The following AZIN2 variants were observed in gnomAD, a reference collection of about 807,000 sequenced individuals.
The protein encoded by AZIN2 is antizyme inhibitor 2.
AZIN2 carries 28 observed loss-of-function variants against 47.8 expected under a neutral mutation model. The observed-to-expected ratio is 0.59, with a 90% confidence interval of 0.43 to 0.80. The LOEUF (loss-of-function observed/expected upper bound fraction) is 0.80. Among genes scored for constraint, AZIN2 ranks in the 30% least tolerant of loss-of-function variants. AZIN2 has a pLI of 0.00. For synonymous variants in AZIN2, 221 were observed against 239.4 expected, an observed-to-expected ratio of 0.92 and a Z score of 0.71; for missense variants, 535 against 582.5, an observed-to-expected ratio of 0.92 and a Z score of 0.84.
In AZIN2 at chr1:33,118,121, G is replaced by A; in HGVS notation, c.1244+5G>A. On this transcript the variant is annotated splice_donor_5th_base_variant and intron_variant, in intron 11 of 11. Transcript: ENST00000294517. ...TGCCATGTCCCGGGTGGCCTGGTAA[G>A]AGGGCCCTGCTGGAAAATGGGGGTA... The A allele has an allele frequency of 6.6e-7, 1 of 1,507,310 alleles. No individual in the cohort carries two copies. The highest frequency in any genetic ancestry group is 8.8e-7 in the Non-Finnish European group (1 of 1,130,806). 93.4% of individuals were successfully genotyped at this position (1,507,310 alleles called of 1,614,324 possible).
At chr1:33,154,303 G>C in the AZIN2 span, among the ~76,000 whole-genome samples, 11 of 152,054 alleles carry the variant, frequency 7.2e-5, no homozygotes, top group African/African-American at 2.7e-4. Flanking sequence ...GACAGCCCTG[G>C]AGCAGGGAGC....
At chr1:33,147,841 C>T in the AZIN2 span, 1 of 1,172,306 alleles carries the variant, frequency 8.5e-7, no homozygotes, top group Non-Finnish European at 1.2e-6. This position sits in a 1 kb window ranked among gnomAD's most constrained non-coding sequence, Gnocchi z 8.1. Context: ...CTCTGACCTG[C>T]TGTGTGACCT....
the AZIN2 span, among the ~76,000 whole-genome samples, chr1:33,153,211 GGGCTTT>G: frequency 4.6e-5 from 7 of 152,192 alleles, no homozygotes; most frequent in African/African-American, 7.2e-5. Context: ...TGGACATAAA[GGGCTTT>G]GGTGCTGGCA....
the AZIN2 span, among the ~76,000 whole-genome samples, chr1:33,166,582 A>G: frequency 6.6e-6 from 1 of 152,190 alleles, no homozygotes; most frequent in African/African-American, 2.4e-5. Context: ...CTGATGGAGA[A>G]AAAGATACAG....
rs1297083672 is a variant in AZIN2, at chr1:33,096,787, C to T, written c.834C>T (p.Arg278=). The T allele has an allele frequency of 1.9e-6, 3 of 1,614,220 alleles. No homozygotes were observed. Among genetic ancestry groups the T allele is most frequent in the Non-Finnish European group, 2.5e-6 (3 of 1,180,036 alleles). ...CGVDIFAELG[R]YYVTSAFTVA... ...TGGACATCTTTGCTGAGCTGGGGCG[C>T]TACTACGTGACCTCGGCCTTCACTG... The change falls in exon 9 of 12, where the codon CGC becomes CGT. Residue 278 remains arginine, a synonymous_variant. Transcript: ENST00000294517.
At chr1:33,154,696 G>T in the AZIN2 span, among the ~76,000 whole-genome samples, 1 of 151,720 alleles carries the variant, frequency 6.6e-6, no homozygotes, top group Non-Finnish European at 1.5e-5. Flanking sequence ...TACTTGGGAG[G>T]CCGAGGCAGG....
At chr1:33,147,773 G>A in the AZIN2 span, 2 of 1,576,240 alleles carry the variant, frequency 1.3e-6, no homozygotes, top group Non-Finnish European at 8.6e-7. This position sits in a 1 kb window ranked among gnomAD's most constrained non-coding sequence, Gnocchi z 8.1. Context: ...GGAGAAGGCT[G>A]TGGACCCACC....
the AZIN2 span, among the ~76,000 whole-genome samples, chr1:33,158,871 G>A: frequency 9.3e-5 from 14 of 150,100 alleles, no homozygotes; most frequent in Non-Finnish European, 1.5e-4. Context: ...ACAGAGTTTC[G>A]CTCTTATTGC....
the AZIN2 span, chr1:33,158,396 C>T: frequency 1.9e-6 from 3 of 1,598,202 alleles, no homozygotes; most frequent in African/African-American, 4.0e-5. Flanking sequence ...AAGGGGGCTG[C>T]ACCAGGGACT....
chr1:33,145,956 G>A, the AZIN2 span: 3 of 470,318 alleles, frequency 6.4e-6, no homozygotes, highest in African/African-American at 4.0e-5. Flanking sequence ...TTAGATTTGG[G>A]AACTGAGTGA....
chr1:33,094,726 C>G lies in AZIN2; in HGVS notation c.753+13C>G, dbSNP rs374924884. 9 of 1,613,436 alleles carry G rather than the reference C, an allele frequency of 5.6e-6. No homozygotes were observed. In the African/African-American group the frequency reaches 1.2e-4, roughly 22 times the overall value. ...GAGATTTGAAGAGGTAACCCTGGAGCTGGGAGTGTCATGCTGGGCTCTATG... is the reference window on the plus strand; with the variant it reads ...GAGATTTGAAGAGGTAACCCTGGAGGTGGGAGTGTCATGCTGGGCTCTATG... On this transcript the variant is annotated intron_variant, in intron 8 of 11. Transcript: ENST00000294517.
At chr1:33,147,629 G>T in the AZIN2 span, 2 of 1,614,024 alleles carry the variant, frequency 1.2e-6, no homozygotes, top group South Asian at 2.2e-5. This position sits in a 1 kb window ranked among gnomAD's most constrained non-coding sequence, Gnocchi z 8.1. Context: ...TCCTGCAGTG[G>T]CTGTGGGTGC....
intron 10 of AZIN2, among the ~76,000 whole-genome samples, chr1:33,115,006 T>C (rs976135197): frequency 1.3e-5 from 2 of 152,190 alleles, no homozygotes; most frequent in Non-Finnish European, 2.9e-5. Flanking sequence ...GTGCACCTTT[T>C]TCAATGTTTG....
At chr1:33,162,571 G>A in the AZIN2 span, among the ~76,000 whole-genome samples, 1 of 152,236 alleles carries the variant, frequency 6.6e-6, no homozygotes, top group Admixed American at 6.5e-5. Flanking sequence ...ATCAGGAGTT[G>A]CTTGAGGGGT....
At chr1:33,151,882 G>A in the AZIN2 span, among the ~76,000 whole-genome samples, 2 of 152,254 alleles carry the variant, frequency 1.3e-5, no homozygotes, top group Non-Finnish European at 2.9e-5. Flanking sequence ...CAGCACAGCT[G>A]CTTGGCAGTG....
At chr1:33,144,918 T>G in the AZIN2 span, among the ~76,000 whole-genome samples, 1 of 152,386 alleles carries the variant, frequency 6.6e-6, no homozygotes, top group South Asian at 2.1e-4. Context: ...TAGGGCCTCC[T>G]TAAGTGCACT....
the AZIN2 span, chr1:33,165,504 C>T: frequency 6.2e-7 from 1 of 1,609,430 alleles, no homozygotes; most frequent in Non-Finnish European, 8.5e-7. This position sits in a 1 kb window ranked among gnomAD's most constrained non-coding sequence, Gnocchi z 4.0. Context: ...TGAGCAGCTG[C>T]AGCGCTTCGG....
chr1:33,088,253 GT>G (rs1354842950), intron 5 of AZIN2, among the ~76,000 whole-genome samples: 3 of 152,060 alleles, frequency 2.0e-5, no homozygotes, highest in Non-Finnish European at 4.4e-5. Flanking sequence ...CCCTTTCCCC[GT>G]CATGAAGGGC....
rs1345119250 is a variant in AZIN2 at position 33,081,305 on chromosome 1, A to G, written c.-406+11A>G. ...TAAATGCGTTTTAAGGCGAGTGCGG[A>G]AAGTGGCCTGGGGAGCCTCGGGGAG... On this transcript the variant is annotated intron_variant, in intron 1 of 11. Transcript: ENST00000294517. This position sits in a 1 kb window ranked among gnomAD's most constrained non-coding sequence, Gnocchi z 4.2. 6.5e-6 allele frequency: 1 copy of G among 153,084 alleles called. No homozygotes were observed. Among genetic ancestry groups the G allele is most frequent in the African/African-American group, 2.4e-5 (1 of 41,462 alleles). 9.5% of individuals were successfully genotyped at this position (153,084 alleles called of 1,614,324 possible).
Sources: allele counts gnomAD v4.1 joint callset (sites outside exome capture counted in the v4.1 genomes callset), GRCh38; gene constraint gnomAD v4.1.1; non-coding constraint Gnocchi (gnomAD v3.1); transcripts MANE v1.5; gene names NCBI Gene and HGNC (gene_info 2026-07-23, HGNC 2026-07-21).